The following GABBR2 variants were observed in gnomAD, a reference collection of about 807,000 sequenced individuals.
The protein encoded by GABBR2 is gamma-aminobutyric acid type B receptor subunit 2, also known as G-protein coupled receptor 51.
Under a neutral mutation model 105.6 loss-of-function variants are expected in GABBR2, and 23 were observed. The observed-to-expected ratio is 0.22, with a 90% CI of 0.16 to 0.31. The LOEUF is 0.31. Ranked by LOEUF, GABBR2 falls within the 10% of genes least tolerant of loss-of-function variation. GABBR2 has a pLI of 1.00. For missense variants in GABBR2, 734 were observed against 1,245.5 expected, an observed-to-expected ratio of 0.59 and a Z score of 6.18; for synonymous variants, 478 against 499.7, an observed-to-expected ratio of 0.96 and a Z score of 0.58.
chr9:98,303,504 C>A, intron 15 of GABBR2, 81 bp from the exon 16 acceptor site: 6 of 1,268,698 alleles, frequency 4.7e-6, no homozygotes, highest in Non-Finnish European at 6.7e-6. Flanking sequence ...ACTCTCCCAG[C>A]AGATCCTGCT....
chr9:98,627,189 TACTC>T (rs1201615712), intron 1 of GABBR2, among the ~76,000 whole-genome samples: 4 of 152,118 alleles, frequency 2.6e-5, no homozygotes, highest in African/African-American at 7.2e-5. Flanking sequence ...GTCCACATGA[TACTC>T]ACAGCCCACC....
intron 18 of GABBR2, among the ~76,000 whole-genome samples, chr9:98,291,472 C>G (rs1430977218): frequency 6.6e-6 from 1 of 152,202 alleles, no homozygotes; most frequent in Admixed American, 6.5e-5. Context: ...CATCCTTCCT[C>G]TCTCCCGTCT....
chr9:98,406,722 C>T (rs1427330956), intron 7 of GABBR2, among the ~76,000 whole-genome samples: 1 of 152,216 alleles, frequency 6.6e-6, no homozygotes, highest in African/African-American at 2.4e-5. Context: ...GCCAGCGAGA[C>T]CTGACTAGTG....
chr9:98,632,883 G>A (rs1238961703), intron 1 of GABBR2, among the ~76,000 whole-genome samples: 3 of 152,182 alleles, frequency 2.0e-5, no homozygotes, highest in African/African-American at 4.8e-5. Flanking sequence ...GGTTTCATTC[G>A]TTCACTCAAC....
chr9:98,319,624 G>A (rs10985863), intron 13 of GABBR2, among the ~76,000 whole-genome samples: 24,576 of 151,836 alleles, frequency 0.16, 2,515 homozygotes, highest in East Asian at 0.29. Context: ...TGGACCCCGC[G>A]TACTAAAGGC....
At chr9:98,480,746 G>T (rs1023958602) in intron 5 of GABBR2, among the ~76,000 whole-genome samples, 186 bp downstream of exon 5, 1 of 152,100 alleles carries the variant, frequency 6.6e-6, no homozygotes, top group African/African-American at 2.4e-5. Flanking sequence ...TGATGGTATT[G>T]TTCTGAGCCC....
At chr9:98,588,614 G>A (rs944959520) in intron 1 of GABBR2, among the ~76,000 whole-genome samples, 4 of 152,196 alleles carry the variant, frequency 2.6e-5, no homozygotes, top group Non-Finnish European at 5.9e-5. Flanking sequence ...TTTGCCCCAA[G>A]TTGCACACAG....
intron 11 of GABBR2, among the ~76,000 whole-genome samples, chr9:98,376,546 C>T (rs1391046285): frequency 6.9e-6 from 1 of 145,368 alleles, no homozygotes; most frequent in East Asian, 1.9e-4. Flanking sequence ...CCAGAGCGCC[C>T]CAAAGCAAGC....
chr9:98,689,243 G>A (rs1830656146), intron 1 of GABBR2, among the ~76,000 whole-genome samples: 1 of 152,170 alleles, frequency 6.6e-6, no homozygotes, highest in South Asian at 2.1e-4. Flanking sequence ...GTTTAGGGAT[G>A]TGGGCCCTGG....
chr9:98,640,576 G>C lies in GABBR2; in HGVS notation c.322-62504C>G, dbSNP rs1272215893. ...CAGGTACCATACATGGATGTACATG[G>C]AGTGTACGAGATGCCCTCTGGGGGA... is the stretch of plus-strand genomic sequence containing the variant. On this transcript the variant is annotated intron_variant, in intron 1 of 18. Transcript: ENST00000259455. 2.0e-5 allele frequency among the ~76,000 whole-genome samples: 3 copies of C among 152,184 alleles called. No homozygotes were observed. The East Asian group carries it at 5.8e-4, about 29-fold the overall frequency.
intron 3 of GABBR2, among the ~76,000 whole-genome samples, chr9:98,516,815 G>C (rs1377069621): frequency 6.6e-6 from 1 of 152,166 alleles, no homozygotes; most frequent in Non-Finnish European, 1.5e-5. Context: ...TCAGAGTTTA[G>C]GGCAGCAGCT....
intron 1 of GABBR2, among the ~76,000 whole-genome samples, chr9:98,702,196 C>T (rs542091301): frequency 2.9e-4 from 44 of 152,212 alleles, no homozygotes; most frequent in African/African-American, 1.0e-3. Context: ...GAGGTGAGCA[C>T]GTGGCCTCAC....
At chr9:98,429,917 A>C (rs914579472) in intron 7 of GABBR2, among the ~76,000 whole-genome samples, 13 of 152,204 alleles carry the variant, frequency 8.5e-5, no homozygotes, top group Non-Finnish European at 1.5e-5. Context: ...TGTCATGCCC[A>C]CACACTCCAA....
intron 12 of GABBR2, among the ~76,000 whole-genome samples, chr9:98,365,143 A>G (rs1354371413): frequency 1.3e-5 from 2 of 152,240 alleles, no homozygotes; most frequent in Admixed American, 1.3e-4. Context: ...TCTAATCCCA[A>G]TTCTTGTCAA....
Position 98,289,417 on chromosome 9 carries a change from C to T in GABBR2, c.*1167G>A, listed in dbSNP as rs1390342949. 2.0e-5 allele frequency: 3 copies of T among 152,542 alleles called. No individual in the cohort carries two copies. The East Asian group carries it at 5.8e-4, about 29-fold the overall frequency. 9.4% of individuals were successfully genotyped at this position (152,542 alleles called of 1,614,324 possible). ...ACTCCCAGGCCAGTGCTCTTAGGGG[C>T]TCAATTTAAAGGGAGGAATGATCTT... On this transcript the variant is annotated 3_prime_UTR_variant, in exon 19 of 19. Coordinates refer to ENST00000259455, the MANE Select transcript of GABBR2 (RefSeq NM_005458.8).
At chr9:98,606,646 G>A (rs1040130310) in intron 1 of GABBR2, among the ~76,000 whole-genome samples, 3 of 151,498 alleles carry the variant, frequency 2.0e-5, no homozygotes, top group Non-Finnish European at 4.4e-5. Context: ...ATGCCCGGTC[G>A]ATTTTGTATT....
At chr9:98,664,762 T>C (rs1002611559) in intron 1 of GABBR2, among the ~76,000 whole-genome samples, 6 of 152,060 alleles carry the variant, frequency 3.9e-5, no homozygotes, top group Non-Finnish European at 8.8e-5. Context: ...CCTCCAAAGA[T>C]TCAGGTGCCT....
At chr9:98,340,405 A>G (rs1317705538) in intron 13 of GABBR2, among the ~76,000 whole-genome samples, 1 of 151,668 alleles carries the variant, frequency 6.6e-6, no homozygotes, top group African/African-American at 2.4e-5. Flanking sequence ...TTTACAATCT[A>G]TTCTGTGTGT....
chr9:98,677,321 C>G (rs1830489420), intron 1 of GABBR2, among the ~76,000 whole-genome samples: 1 of 152,220 alleles, frequency 6.6e-6, no homozygotes, highest in African/African-American at 2.4e-5. Flanking sequence ...TTGATCCAGA[C>G]AGCAATCAAG....
Sources: gnomAD v4.1 joint callset for allele counts (sites outside exome capture counted in the v4.1 genomes callset) on GRCh38, gnomAD v4.1.1 for gene constraint, MANE v1.5 for transcripts, NCBI Gene and HGNC (gene_info 2026-07-23, HGNC 2026-07-21) for gene names.